Variants in CGAS observed in about 807,000 individuals in gnomAD.
CGAS encodes cyclic GMP-AMP synthase, also known as 2'3'-cGAMP synthase.
A neutral mutation model predicts 34.0 loss-of-function variants in CGAS; 31 were observed. The ratio of observed to expected loss-of-function variants is 0.91; its 90% CI spans 0.69 to 1.23. The LOEUF (loss-of-function observed/expected upper bound fraction) is 1.23, where lower values mean the gene tolerates loss of function less well. Ranked by LOEUF, CGAS falls within the 50% of genes most tolerant of loss-of-function variation. The pLI is 0.00. For synonymous variants in CGAS, 266 were observed against 260.0 expected (o/e 1.02, Z -0.22); for missense variants, 597 against 657.6 (o/e 0.91, Z 1.01).
At chr6:73,432,439 G>A (rs940800107) in intron 3 of CGAS, among the ~76,000 whole-genome samples, 1 of 151,696 alleles carries the variant, frequency 6.6e-6, no homozygotes, top group Non-Finnish European at 1.5e-5. Context: ...TGGATTACAG[G>A]TGTGAGCCAC....
At chr6:73,433,895 C>T (rs1035282545) in intron 3 of CGAS, among the ~76,000 whole-genome samples, 2 of 152,220 alleles carry the variant, frequency 1.3e-5, no homozygotes, top group Non-Finnish European at 2.9e-5. Context: ...GTCATCATTC[C>T]TGGCCCCAAA....
At position 73,425,101 on chromosome 6, in the gene CGAS, G is replaced by C. The variant is rs1770062003; in HGVS notation, c.*126C>G. 1 of 637,586 alleles carries C rather than the reference G, an allele frequency of 1.6e-6. No homozygotes were observed. Among genetic ancestry groups the C allele is most frequent in the Admixed American group, 3.3e-5 (1 of 29,854 alleles). The allele number at this position is 637,586 out of a possible 1,614,324, so 39.5% of individuals were successfully genotyped here. Reference sequence around the variant, plus strand: ...ACTCCTGACCTCAAGTGATCCGCCTGCCTCGGCCTCCAAAGAGCTGGGATT... The same window carrying C: ...ACTCCTGACCTCAAGTGATCCGCCTCCCTCGGCCTCCAAAGAGCTGGGATT... On this transcript the variant is annotated 3_prime_UTR_variant, in exon 5 of 5. Transcript: ENST00000370315.
At position 73,441,382 on chromosome 6, in the gene CGAS, G is replaced by A. The variant is rs140959642; in HGVS notation, c.878-937C>T. 3.5e-3 allele frequency among the ~76,000 whole-genome samples: 535 copies of A among 152,198 alleles called. 3 individuals carry two copies. The highest frequency in any genetic ancestry group is 9.7e-3 in the South Asian group (47 of 4,826). ...GCCTGGCACAGAGGCTGGGTGCCAC[G>A]GCAGCACAGAGGTAGTGAGCATCAA... is the stretch of plus-strand genomic sequence containing the variant. On this transcript the variant is annotated intron_variant, in intron 2 of 4. Coordinates refer to ENST00000370315, the MANE Select transcript of CGAS (RefSeq NM_138441.3).
chr6:73,427,711 G>A (rs75554263), intron 4 of CGAS, among the ~76,000 whole-genome samples: 97 of 152,222 alleles, frequency 6.4e-4, no homozygotes, highest in East Asian at 2.5e-3. Context: ...TCTCATCCCC[G>A]TACTTCCAAG....
intron 3 of CGAS, among the ~76,000 whole-genome samples, chr6:73,429,034 A>G (rs987204521): frequency 3.9e-5 from 6 of 152,030 alleles, no homozygotes; most frequent in Non-Finnish European, 4.4e-5. Context: ...AAAAATACAA[A>G]AAAAAGTTAT....
chr6:73,429,877 C>T (rs1770164661), intron 3 of CGAS, among the ~76,000 whole-genome samples: 1 of 152,014 alleles, frequency 6.6e-6, no homozygotes, highest in Non-Finnish European at 1.5e-5. Context: ...CTTTTATGCT[C>T]TGACCACCCT....
At chr6:73,434,019 AC>A (rs1368039005) in intron 3 of CGAS, among the ~76,000 whole-genome samples, 2 of 152,228 alleles carry the variant, frequency 1.3e-5, no homozygotes. Flanking sequence ...ACTCTCTCAG[AC>A]ACCCTTGGAG....
At chr6:73,425,710 A>C (rs1229078159) in intron 4 of CGAS, 132 bp from the exon 5 acceptor site, 1 of 596,328 alleles carries the variant, frequency 1.7e-6, no homozygotes, top group Non-Finnish European at 2.8e-6. Flanking sequence ...GTGGTGACAC[A>C]ACGCCTGTAA....
At chr6:73,436,531 C>T in intron 3 of CGAS, among the ~76,000 whole-genome samples, 1 of 98,960 alleles carries the variant, frequency 1.0e-5, no homozygotes. Context: ...ACACCTTTTT[C>T]TTTGTTTTTG....
chr6:73,424,864 T>G lies in CGAS; in HGVS notation c.*363A>C, dbSNP rs1375299565. 6.6e-6 allele frequency: 1 copy of G among 152,262 alleles called. No homozygotes were observed. The highest frequency in any genetic ancestry group is 1.5e-5 in the Non-Finnish European group (1 of 68,094). The allele number at this position is 152,262 out of a possible 1,614,324, so 9.4% of individuals were successfully genotyped here. A position where few individuals can be genotyped will look rare whatever the true frequency, so the allele number is the denominator to read the frequency against. Reference sequence around the variant, plus strand: ...AATTTATTTTTCTTATTTATTTATTTATTTTTTGAGAGGAAGTCTTGCTCT... The same window carrying G: ...AATTTATTTTTCTTATTTATTTATTGATTTTTTGAGAGGAAGTCTTGCTCT... On this transcript the variant is annotated 3_prime_UTR_variant, in exon 5 of 5. Transcript: ENST00000370315.
At chr6:73,449,809 AC>A (rs1188053510) in intron 1 of CGAS, among the ~76,000 whole-genome samples, 1 of 151,912 alleles carries the variant, frequency 6.6e-6, no homozygotes, top group Non-Finnish European at 1.5e-5. Flanking sequence ...AGCCTGGCCA[AC>A]ATGGTGAAAC....
intron 1 of CGAS, among the ~76,000 whole-genome samples, chr6:73,446,126 C>T (rs142585372): frequency 8.6e-5 from 13 of 151,530 alleles, no homozygotes; most frequent in Admixed American, 2.6e-4. Flanking sequence ...GTCAGGTGTT[C>T]GAGACCAGCC....
chr6:73,425,223 A>C lies in CGAS; in HGVS notation c.*4T>G. 6.5e-7 allele frequency: 1 copy of C among 1,548,890 alleles called. No homozygotes were observed. The highest frequency in any genetic ancestry group is 8.7e-7 in the Non-Finnish European group (1 of 1,146,092). ...AGTTCTTAGATCTTTCTAAAAATAC[A>C]ATCTCAAAATTCATCAAAAACTGGA... On this transcript the variant is annotated 3_prime_UTR_variant, in exon 5 of 5. Coordinates refer to ENST00000370315, the MANE Select transcript of CGAS (RefSeq NM_138441.3).
intron 2 of CGAS, among the ~76,000 whole-genome samples, chr6:73,442,650 G>A (rs1271681558): frequency 6.9e-6 from 1 of 145,498 alleles, no homozygotes; most frequent in East Asian, 2.0e-4. Context: ...TCAGGCTGGA[G>A]TGCAGTGGCG....
chr6:73,436,850 A>C (rs1770288862), intron 3 of CGAS, among the ~76,000 whole-genome samples: 1 of 152,094 alleles, frequency 6.6e-6, no homozygotes, highest in African/African-American at 2.4e-5. Flanking sequence ...ATATTTACTT[A>C]CACTTTTAAA....
intron 3 of CGAS, among the ~76,000 whole-genome samples, chr6:73,434,100 A>T (rs903029290): frequency 6.6e-6 from 1 of 152,230 alleles, no homozygotes; most frequent in Non-Finnish European, 1.5e-5. Flanking sequence ...ATGTACAACA[A>T]CATGGTACAA....
Position 73,451,904 on chromosome 6 carries a change from G to C in CGAS, c.278C>G (p.Pro93Arg). The C allele has an allele frequency of 3.3e-6, 5 of 1,526,864 alleles. No individual in the cohort carries two copies. The highest frequency in any genetic ancestry group is 4.4e-6 in the Non-Finnish European group (5 of 1,133,392). 94.6% of individuals were successfully genotyped at this position (1,526,864 alleles called of 1,614,324 possible). Residue 93 changes from proline to arginine, a missense_variant, in exon 1 of 5, where the codon CCG becomes CGG. By Grantham distance (103) the Pro-to-Arg change is moderately radical. Coordinates refer to ENST00000370315, the MANE Select transcript of CGAS (RefSeq NM_138441.3). ...KAPQRAQDTQPSDATSAPGAE... is the reference protein window; with the variant it reads ...KAPQRAQDTQRSDATSAPGAE... ...CCCAGGGGCGCTGGTGGCGTCAGAC[G>C]GCTGCGTGTCCTGGGCGCGCTGAGG...
chr6:73,432,764 T>A (rs1770213574), intron 3 of CGAS, among the ~76,000 whole-genome samples: 1 of 152,138 alleles, frequency 6.6e-6, no homozygotes, highest in South Asian at 2.1e-4. Flanking sequence ...CCCAGTCTCC[T>A]TTGGTACTGG....
chr6:73,441,677 C>T (rs1770383026), intron 2 of CGAS, among the ~76,000 whole-genome samples: 1 of 152,046 alleles, frequency 6.6e-6, no homozygotes, highest in Non-Finnish European at 1.5e-5. Context: ...GGGTGGGTGG[C>T]TATGGTCAGA....
Sources: allele counts gnomAD v4.1 joint callset (sites outside exome capture counted in the v4.1 genomes callset), GRCh38; gene constraint gnomAD v4.1.1; transcripts MANE v1.5; gene names NCBI Gene and HGNC (gene_info 2026-07-23, HGNC 2026-07-21).